Variants in CES5A observed in about 807,000 individuals in gnomAD.
CES5A encodes carboxylesterase 5A, also known as carboxylesterase 5.
A neutral mutation model predicts 62.9 loss-of-function variants in CES5A; 67 were observed. The ratio of observed to expected loss-of-function variants is 1.07; its 90% CI spans 0.88 to 1.31. CES5A has a LOEUF of 1.31. Among genes scored for constraint, CES5A ranks in the 50% most tolerant of loss-of-function variants. The probability of loss-of-function intolerance (pLI) is 0.00; values close to 1 mark genes in which losing one functional copy is unlikely to be tolerated. For missense variants in CES5A, 748 were observed against 708.5 expected, an observed-to-expected ratio of 1.06 and a Z score of -0.63; for synonymous variants, 296 against 280.8, an observed-to-expected ratio of 1.05 and a Z score of -0.54.
intron 1 of CES5A, among the ~76,000 whole-genome samples, chr16:55,899,294 C>T (rs746092878): frequency 6.6e-6 from 1 of 152,104 alleles, no homozygotes; most frequent in African/African-American, 2.4e-5. Flanking sequence ...ACTCTCATTG[C>T]CATTATAATG....
At chr16:55,946,701 C>A (rs115513321) in intron 2 of CES5A, among the ~76,000 whole-genome samples, 2,163 of 152,280 alleles carry the variant, frequency 0.014, 66 homozygotes, top group African/African-American at 0.05. Flanking sequence ...TAACAAAGCA[C>A]CCCAGTACTC....
chr16:55,847,360 C>A (rs1389667928), intron 11 of CES5A, among the ~76,000 whole-genome samples: 1 of 151,080 alleles, frequency 6.6e-6, no homozygotes, highest in Non-Finnish European at 1.5e-5. Context: ...CCCTGTCTTC[C>A]CTCTCTCTTG....
chr16:55,955,331 C>G (rs1305457913), intron 1 of CES5A, among the ~76,000 whole-genome samples: 1 of 152,102 alleles, frequency 6.6e-6, no homozygotes, highest in Non-Finnish European at 1.5e-5. Flanking sequence ...ACTAATCCCC[C>G]CCATCTTTTA....
intron 1 of CES5A, among the ~76,000 whole-genome samples, chr16:55,907,882 G>T (rs537347979): frequency 6.6e-6 from 1 of 152,164 alleles, no homozygotes; most frequent in African/African-American, 2.4e-5. Context: ...GGGCTCCTGG[G>T]AATTGAGATG....
intron 8 of CES5A, among the ~76,000 whole-genome samples, chr16:55,858,046 A>T (rs2033277927): frequency 6.6e-6 from 1 of 152,246 alleles, no homozygotes; most frequent in South Asian, 2.1e-4. Context: ...AATACAAAAA[A>T]AAATTAGCTG....
chr16:55,943,447 G>C (rs780804032), intron 2 of CES5A, among the ~76,000 whole-genome samples: 3 of 152,176 alleles, frequency 2.0e-5, no homozygotes. Context: ...GTTTTTCAAC[G>C]TGTTATCCCT....
chr16:55,899,199 G>A lies in CES5A; in HGVS notation c.-255-25162C>T, dbSNP rs1463053892. On this transcript the variant is annotated intron_variant, in intron 1 of 12. Coordinates refer to the CES5A transcript ENST00000518005. ...TCAAAGGTCCTGAATGTCCGAGCCTGCAGAGGAATGGGGAGAGCAGCTCTG... is the reference window on the plus strand; with the variant it reads ...TCAAAGGTCCTGAATGTCCGAGCCTACAGAGGAATGGGGAGAGCAGCTCTG... Among the ~76,000 whole-genome samples the A allele has an allele frequency of 3.9e-5, 6 of 152,282 alleles. No homozygotes were observed. In the East Asian group the frequency reaches 1.2e-3, roughly 29 times the overall value.
intron 6 of CES5A, among the ~76,000 whole-genome samples, chr16:55,862,412 T>A (rs1166727000): frequency 1.3e-5 from 2 of 152,106 alleles, no homozygotes; most frequent in Non-Finnish European, 2.9e-5. Flanking sequence ...CATGGATAGG[T>A]GATAAAAAGA....
At chr16:55,847,641 T>C (rs1312159317) in intron 11 of CES5A, among the ~76,000 whole-genome samples, 1 of 152,162 alleles carries the variant, frequency 6.6e-6, no homozygotes, top group Non-Finnish European at 1.5e-5. Context: ...ACACGTATTC[T>C]ACATATTGCT....
chr16:55,933,401 G>A (rs564361166), intron 2 of CES5A, among the ~76,000 whole-genome samples: 1 of 152,272 alleles, frequency 6.6e-6, no homozygotes, highest in Admixed American at 6.5e-5. Flanking sequence ...TGGGATAGTA[G>A]TGATAAAGAA....
intron 8 of CES5A, among the ~76,000 whole-genome samples, chr16:55,858,230 G>A (rs1163455877): frequency 6.6e-6 from 1 of 152,108 alleles, no homozygotes; most frequent in African/African-American, 2.4e-5. Context: ...AAATTAAAAA[G>A]GCAGAGCCTA....
upstream of CES5A, among the ~76,000 whole-genome samples, chr16:55,879,187 G>C (rs1938088828): frequency 7.6e-6 from 1 of 131,468 alleles, no homozygotes; most frequent in Non-Finnish European, 1.6e-5. Flanking sequence ...CTCCACCAAT[G>C]CTCCCCATTT....
In CES5A at chr16:55,846,820, TCTC is replaced by T. The variant is rs759824070; in HGVS notation, c.1441_1443del (p.Glu481del). 40 of 1,613,888 alleles carry T rather than the reference TCTC, an allele frequency of 2.5e-5. No individual in the cohort carries two copies. The highest frequency in any genetic ancestry group is 1.2e-4 in the South Asian group (11 of 91,076). On this transcript the variant is annotated inframe_deletion, in exon 12 of 13. Coordinates refer to ENST00000290567, the MANE Select transcript of CES5A (RefSeq NM_001143685.2). ...TTCATCATCTTCCGGCTCAGTAACT[TCTC>T]CTCCTCCGTGGCTCCTTCTGAAGGA...
chr16:55,922,956 A>G (rs1250469462), intron 1 of CES5A, among the ~76,000 whole-genome samples: 1 of 151,946 alleles, frequency 6.6e-6, no homozygotes, highest in Non-Finnish European at 1.5e-5. Context: ...GTCAATGAAG[A>G]AGTTAAGAAG....
intron 1 of CES5A, among the ~76,000 whole-genome samples, chr16:55,905,638 G>A (rs1567348984): frequency 6.6e-6 from 1 of 152,010 alleles, no homozygotes; most frequent in African/African-American, 2.4e-5. Flanking sequence ...AGGATTACAG[G>A]CATGAGCCAC....
chr16:55,850,924 C>T (rs1399615067), intron 10 of CES5A, among the ~76,000 whole-genome samples: 2 of 152,076 alleles, frequency 1.3e-5, no homozygotes, highest in African/African-American at 2.4e-5. Context: ...TTATAGCCAC[C>T]CTAGTATATG....
chr16:55,881,842 A>G (rs1326905657), intron 1 of CES5A, among the ~76,000 whole-genome samples: 2 of 152,142 alleles, frequency 1.3e-5, no homozygotes, highest in Non-Finnish European at 2.9e-5. Context: ...ATCGGTGTGA[A>G]TGAGTCTGGA....
intron 2 of CES5A, among the ~76,000 whole-genome samples, chr16:55,947,854 G>A (rs1437069048): frequency 6.6e-6 from 1 of 151,980 alleles, no homozygotes; most frequent in Non-Finnish European, 1.5e-5. Context: ...AGCAGGGGAG[G>A]GCCAGGTCAT....
chr16:55,904,093 C>T (rs1185375759), intron 1 of CES5A, among the ~76,000 whole-genome samples: 1 of 152,190 alleles, frequency 6.6e-6, no homozygotes, highest in African/African-American at 2.4e-5. Context: ...GGAAATCAGA[C>T]TACACTTGGA....
Sources: gnomAD v4.1 joint callset for allele counts (sites outside exome capture counted in the v4.1 genomes callset) on GRCh38, gnomAD v4.1.1 for gene constraint, MANE v1.5 for transcripts, NCBI Gene and HGNC (gene_info 2026-07-23, HGNC 2026-07-21) for gene names.